The following SNAPC1 variants were observed in gnomAD, a reference collection of about 807,000 sequenced individuals.
SNAPC1 encodes the protein snRNA-activating protein complex subunit 1.
In SNAPC1, 42 loss-of-function variants were observed where a neutral mutation model predicts 50.1. That is an observed-to-expected ratio of 0.84 (90% CI 0.65 to 1.08). SNAPC1 has a LOEUF of 1.08. SNAPC1 is among the 50% of genes least tolerant of loss of function. SNAPC1 has a pLI of 0.00. For missense variants in SNAPC1, 477 were observed against 427.3 expected (o/e 1.12, Z -1.02); for synonymous variants, 164 against 144.2 (o/e 1.14, Z -0.98).
At chr14:61,793,755 C>T (rs1485927598) in intron 9 of SNAPC1, among the ~76,000 whole-genome samples, 1 of 148,526 alleles carries the variant, frequency 6.7e-6, no homozygotes, top group African/African-American at 2.5e-5. Context: ...CTCCCAGGTT[C>T]ACGCGATTCT....
intron 8 of SNAPC1, among the ~76,000 whole-genome samples, chr14:61,789,709 G>A (rs1353435011): frequency 6.6e-6 from 1 of 152,176 alleles, no homozygotes; most frequent in African/African-American, 2.4e-5. Flanking sequence ...AATGTTAAAA[G>A]TGCTGGAAAA....
intron 7 of SNAPC1, 86 bp downstream of exon 7, chr14:61,778,996 A>C (rs1328317323): frequency 1.3e-6 from 1 of 755,832 alleles, no homozygotes; most frequent in Non-Finnish European, 2.2e-6. Context: ...TAATACATGT[A>C]CTTAGTTTTA....
chr14:61,781,895 T>C (rs1439169794), intron 7 of SNAPC1, among the ~76,000 whole-genome samples: 2 of 152,246 alleles, frequency 1.3e-5, no homozygotes, highest in Non-Finnish European at 2.9e-5. Context: ...GAGCCAAGCG[T>C]GAAGTACTTC....
At chr14:61,779,630 A>G (rs980338247) in intron 7 of SNAPC1, among the ~76,000 whole-genome samples, 2 of 148,338 alleles carry the variant, frequency 1.3e-5, no homozygotes, top group Non-Finnish European at 3.0e-5. Flanking sequence ...GATATTAACT[A>G]CAGTTTTTTT....
intron 1 of SNAPC1, among the ~76,000 whole-genome samples, chr14:61,764,116 T>A (rs2044929903): frequency 6.6e-6 from 1 of 152,166 alleles, no homozygotes; most frequent in Non-Finnish European, 1.5e-5. Flanking sequence ...GTATTTTTAG[T>A]AGAGACGGGA....
chr14:61,780,056 T>G (rs571975562), intron 7 of SNAPC1, among the ~76,000 whole-genome samples: 2 of 152,296 alleles, frequency 1.3e-5, no homozygotes, highest in East Asian at 3.9e-4. Context: ...AGATGTCTTT[T>G]CATATTTAAG....
chr14:61,786,472 A>C (rs547924630), intron 8 of SNAPC1, among the ~76,000 whole-genome samples: 2 of 152,228 alleles, frequency 1.3e-5, no homozygotes, highest in African/African-American at 4.8e-5. Flanking sequence ...AGCCCACCCA[A>C]TGAAGAAATG....
chr14:61,772,480 T>C (rs1043052456), intron 4 of SNAPC1, among the ~76,000 whole-genome samples: 1 of 152,222 alleles, frequency 6.6e-6, no homozygotes, highest in Non-Finnish European at 1.5e-5. Flanking sequence ...CCTGACCTTG[T>C]GATCCACCCA....
intron 8 of SNAPC1, among the ~76,000 whole-genome samples, chr14:61,788,454 A>G (rs1288706177): frequency 6.6e-6 from 1 of 152,204 alleles, no homozygotes; most frequent in Non-Finnish European, 1.5e-5. Flanking sequence ...CACATATGAT[A>G]CTATTAAAAT....
intron 7 of SNAPC1, among the ~76,000 whole-genome samples, chr14:61,780,983 T>A (rs2045067854): frequency 6.6e-6 from 1 of 152,196 alleles, no homozygotes; most frequent in African/African-American, 2.4e-5. Flanking sequence ...GTATTAGGTA[T>A]TATAAGTAAT....
At chr14:61,783,813 C>T (rs981226972) in intron 8 of SNAPC1, among the ~76,000 whole-genome samples, 7 of 152,078 alleles carry the variant, frequency 4.6e-5, no homozygotes, top group African/African-American at 1.7e-4. Context: ...GCTGGGATTA[C>T]GGGCGTGAGC....
At chr14:61,781,305 C>T (rs991275075) in intron 7 of SNAPC1, among the ~76,000 whole-genome samples, 17 of 151,726 alleles carry the variant, frequency 1.1e-4, no homozygotes, top group African/African-American at 2.7e-4. Flanking sequence ...AAAAATTAGC[C>T]GGGCGTGGTG....
At chr14:61,776,364 T>C in intron 5 of SNAPC1, 111 bp downstream of exon 5, 1 of 949,630 alleles carries the variant, frequency 1.1e-6, no homozygotes, top group Non-Finnish European at 1.6e-6. Flanking sequence ...CCTGTGGAGC[T>C]AAGATTTATA....
At chr14:61,786,323 T>A (rs2045115679) in intron 8 of SNAPC1, among the ~76,000 whole-genome samples, 1 of 152,162 alleles carries the variant, frequency 6.6e-6, no homozygotes, top group South Asian at 2.1e-4. Context: ...AAGTTACAAT[T>A]TTTGTCTTCA....
intron 1 of SNAPC1, 71 bp downstream of exon 1, chr14:61,762,659 C>G: frequency 6.4e-7 from 1 of 1,564,642 alleles, no homozygotes; most frequent in Non-Finnish European, 8.8e-7. Context: ...TCCTTCCCGG[C>G]GATATTGCAC....
In SNAPC1 at chr14:61,768,708, G is replaced by A; in HGVS notation, c.502G>A (p.Val168Met). The change falls in exon 4 of 10, where the codon GTG (valine) becomes ATG (methionine). Residue 168 changes from valine to methionine, a missense_variant. Transcript: ENST00000216294. ...AGAATTTAAGGACCCAAGTGATCGT[G>A]TGATGAAACTTATCACTTCTGATGT... ...TEEFKDPSDR[V>M]MKLITSDVLE... 1 of 1,609,994 alleles carries A rather than the reference G, an allele frequency of 6.2e-7. No homozygotes were observed. The highest frequency in any genetic ancestry group is 1.1e-5 in the South Asian group (1 of 90,816).
chr14:61,770,277 CTG>C (rs1028927840), intron 4 of SNAPC1, among the ~76,000 whole-genome samples: 14 of 147,242 alleles, frequency 9.5e-5, no homozygotes, highest in African/African-American at 3.5e-4. Context: ...GGATCTTCCT[CTG>C]TCACCCAGGC....
At position 61,768,684 on chromosome 14, in the gene SNAPC1, G is replaced by A. The variant is rs1345594769; in HGVS notation, c.478G>A (p.Glu160Lys). The A allele has an allele frequency of 1.2e-6, 2 of 1,612,378 alleles. No individual in the cohort carries two copies. Among genetic ancestry groups the A allele is most frequent in the Admixed American group, 1.7e-5 (1 of 59,980 alleles). The change falls in exon 4 of 10, where the codon GAA (glutamate) becomes AAA (lysine). Residue 160 changes from glutamate to lysine, a missense_variant. Physicochemically the swap from Glu to Lys is moderately conservative, Grantham distance 56. Transcript: ENST00000216294. ...KKIHRAEVTEEFKDPSDRVMK... is the reference protein window; with the variant it reads ...KKIHRAEVTEKFKDPSDRVMK... ...AATTCACCGAGCTGAAGTTACAGAA[G>A]AATTTAAGGACCCAAGTGATCGTGT...
chr14:61,781,861 A>T (rs1327336059), intron 7 of SNAPC1, among the ~76,000 whole-genome samples: 1 of 152,248 alleles, frequency 6.6e-6, no homozygotes, highest in Non-Finnish European at 1.5e-5. Flanking sequence ...TTGTGGCCAG[A>T]TCTGGGCCAC....
Sources: allele counts gnomAD v4.1 joint callset (sites outside exome capture counted in the v4.1 genomes callset), GRCh38; gene constraint gnomAD v4.1.1; transcripts MANE v1.5; gene names NCBI Gene and HGNC (gene_info 2026-07-23, HGNC 2026-07-21).